Variants in SCAF8 observed in about 807,000 individuals in gnomAD.
SCAF8 encodes SR-related and CTD-associated factor 8.
In SCAF8, 23 loss-of-function variants were observed where a neutral mutation model predicts 140.5. The ratio of observed to expected loss-of-function variants is 0.16; its 90% confidence interval spans 0.12 to 0.23. The LOEUF (loss-of-function observed/expected upper bound fraction) is 0.23. Among genes scored for constraint, SCAF8 ranks in the 10% least tolerant of loss-of-function variants. The pLI is 1.00. For synonymous variants in SCAF8, 575 were observed against 528.9 expected (o/e 1.09, Z -1.20); for missense variants, 1,397 against 1,555.7 (o/e 0.90, Z 1.72).
chr6:154,799,812 C>T (rs755046668), intron 6 of SCAF8, among the ~76,000 whole-genome samples: 11 of 151,010 alleles, frequency 7.3e-5, no homozygotes, highest in Non-Finnish European at 1.3e-4. Context: ...GAGACAGGGT[C>T]TTGCTCTGTC....
chr6:154,733,951 C>G (rs562570309), intron 1 of SCAF8, 21 bp downstream of exon 1: 132 of 1,524,986 alleles, frequency 8.7e-5, no homozygotes, highest in Admixed American at 2.7e-4. Flanking sequence ...CAGCCGGGTT[C>G]CCCTGCTCCT....
intron 15 of SCAF8, among the ~76,000 whole-genome samples, chr6:154,820,666 G>A (rs1176781900): frequency 6.6e-6 from 1 of 151,972 alleles, no homozygotes; most frequent in Non-Finnish European, 1.5e-5. Flanking sequence ...AACTTGAGAA[G>A]GTTTTTTGAA....
rs888898268 is a variant in SCAF8 at position 154,734,082 on chromosome 6, C to T, written c.30+152C>T. ...GTGCCCGTGGGGGAGGGGTGTTTCT[C>T]CTCTGGGTGCCCCTCCCCCGGGTCC... On this transcript the variant is annotated intron_variant, in intron 1 of 19. Coordinates refer to ENST00000367178, the MANE Select transcript of SCAF8 (RefSeq NM_014892.5). 355 of 1,251,572 alleles carry T rather than the reference C, an allele frequency of 2.8e-4. 1 individual carries two copies. The highest frequency in any genetic ancestry group is 3.5e-4 in the Non-Finnish European group (344 of 970,344). 77.5% of individuals were successfully genotyped at this position (1,251,572 alleles called of 1,614,324 possible).
At chr6:154,776,070 A>G (rs1313545970) in intron 2 of SCAF8, among the ~76,000 whole-genome samples, 1 of 152,074 alleles carries the variant, frequency 6.6e-6, no homozygotes, top group Non-Finnish European at 1.5e-5. Context: ...CTTTGATAGA[A>G]TTATCTAATA....
intron 7 of SCAF8, among the ~76,000 whole-genome samples, chr6:154,802,469 A>G (rs1169227409): frequency 6.6e-6 from 1 of 152,018 alleles, no homozygotes; most frequent in African/African-American, 2.4e-5. Flanking sequence ...TAAAAATACA[A>G]AAATTAGCCA....
At chr6:154,785,991 A>G (rs953724175) in intron 3 of SCAF8, among the ~76,000 whole-genome samples, 7 of 152,202 alleles carry the variant, frequency 4.6e-5, no homozygotes, top group Non-Finnish European at 8.8e-5. Flanking sequence ...ATGCCATTGT[A>G]TAACTGCCCA....
chr6:154,817,441 T>A (rs1302181053), intron 13 of SCAF8, among the ~76,000 whole-genome samples: 1 of 152,238 alleles, frequency 6.6e-6, no homozygotes, highest in African/African-American at 2.4e-5. Context: ...CTAAGTTATT[T>A]TGTGAAATGA....
rs1778714727 is a variant in SCAF8 at position 154,831,016 on chromosome 6, T to A, written c.2235T>A (p.Asn745Lys). ...LVIPGGSVAS[N>K]LATSALPAGN... ...TACCAGGCGGTTCTGTTGCCAGCAA[T>A]CTTGCTACTTCCGCTCTGCCAGCTG... Residue 745 changes from asparagine (N) to lysine (K), a missense_variant, in exon 19 of 20, where the codon AAT (asparagine) becomes AAA (lysine). Around this residue, in one of 5 missense-constraint regions of SCAF8, gnomAD observed 930 missense variants for 874.6 expected, o/e 1.06. Transcript: ENST00000367178. 4.3e-6 allele frequency: 7 copies of A among 1,614,090 alleles called. No homozygotes were observed. The highest frequency in any genetic ancestry group is 5.1e-6 in the Non-Finnish European group (6 of 1,179,954).
intron 2 of SCAF8, among the ~76,000 whole-genome samples, chr6:154,775,634 G>A (rs947701583): frequency 1.3e-5 from 2 of 152,158 alleles, no homozygotes; most frequent in African/African-American, 4.8e-5. Context: ...TTTGGACACA[G>A]TGGGACACAT....
chr6:154,753,007 G>GT (rs1300452280), intron 1 of SCAF8, among the ~76,000 whole-genome samples: 3 of 150,272 alleles, frequency 2.0e-5, no homozygotes, highest in Non-Finnish European at 3.0e-5. Flanking sequence ...TTTTGTTTTT[G>GT]TTTTGTTTTT....
rs1044691629 is a variant in SCAF8, at chr6:154,746,559, A to T, written c.30+12629A>T. 7.2e-5 allele frequency among the ~76,000 whole-genome samples: 11 copies of T among 152,266 alleles called. No individual in the cohort carries two copies. In the South Asian group the frequency reaches 8.3e-4, roughly 11 times the overall value. ...TCCAAGTTTGTCTTCGACAGCAAGAACCCTGGCTTTTGTTATCTACAATAT... is the reference window on the plus strand; with the variant it reads ...TCCAAGTTTGTCTTCGACAGCAAGATCCCTGGCTTTTGTTATCTACAATAT... On this transcript the variant is annotated intron_variant, in intron 1 of 19. Coordinates refer to ENST00000367178, the MANE Select transcript of SCAF8 (RefSeq NM_014892.5).
intron 12 of SCAF8, among the ~76,000 whole-genome samples, chr6:154,813,511 A>G (rs1439991848): frequency 1.3e-5 from 2 of 152,184 alleles, no homozygotes; most frequent in African/African-American, 4.8e-5. Flanking sequence ...CCTGGGTGAC[A>G]GAGCAAGACC....
In SCAF8 at chr6:154,786,571, C is replaced by T. The variant is rs541535990; in HGVS notation, c.160-1290C>T. The stretch of plus-strand genomic sequence containing the variant: ...TAAATATTTTGTTTCTGAGTCAAAC[C>T]GTAAACTAAATTCCCTCCCAAGGTT... On this transcript the variant is annotated intron_variant, in intron 3 of 19. Transcript: ENST00000367178. Among the ~76,000 whole-genome samples, 15 of 152,270 alleles carry T rather than the reference C, an allele frequency of 9.9e-5. No homozygotes were observed. In the South Asian group the frequency reaches 2.1e-3, roughly 21 times the overall value.
intron 9 of SCAF8, among the ~76,000 whole-genome samples, chr6:154,807,108 TTA>T (rs1392869737): frequency 2.0e-5 from 3 of 152,182 alleles, no homozygotes; most frequent in Admixed American, 1.3e-4. Flanking sequence ...TCGTAGTACT[TTA>T]TGTTTTTAAT....
At chr6:154,750,273 G>T (rs1203180135) in intron 1 of SCAF8, among the ~76,000 whole-genome samples, 1 of 152,162 alleles carries the variant, frequency 6.6e-6, no homozygotes, top group East Asian at 1.9e-4. Flanking sequence ...AATATTTGTT[G>T]TCTGTGGAAC....
At chr6:154,804,265 G>T (rs1777850622) in intron 8 of SCAF8, among the ~76,000 whole-genome samples, 2 of 151,448 alleles carry the variant, frequency 1.3e-5, no homozygotes, top group African/African-American at 4.9e-5. Context: ...TATATATTGG[G>T]GTAATAAACA....
chr6:154,793,111 A>G, intron 5 of SCAF8, 135 bp downstream of exon 5: 1 of 529,556 alleles, frequency 1.9e-6, no homozygotes, highest in Non-Finnish European at 3.0e-6. Context: ...ATATTTGTAG[A>G]GAAAAATAAA....
At chr6:154,831,703 TAA>T (rs58013583) in intron 19 of SCAF8, among the ~76,000 whole-genome samples, 26 of 48,064 alleles carry the variant, frequency 5.4e-4, no homozygotes, top group East Asian at 1.6e-3. Flanking sequence ...CTCCTGTTCT[TAA>T]AAAAAAAAAA....
intron 12 of SCAF8, 92 bp from the exon 13 acceptor site, chr6:154,815,624 A>G (rs1778227693): frequency 1.9e-6 from 1 of 513,750 alleles, no homozygotes; most frequent in Non-Finnish European, 3.6e-6. Context: ...AAATTTAATT[A>G]TTATGTGTAT....
Sources: allele counts gnomAD v4.1 joint callset (sites outside exome capture counted in the v4.1 genomes callset), GRCh38; gene constraint gnomAD v4.1.1; regional missense constraint gnomAD v4.1.1; transcripts MANE v1.5; gene names NCBI Gene and HGNC (gene_info 2026-07-23, HGNC 2026-07-21).